CIMIP2A: variants seen among roughly 807,000 people sequenced by gnomAD.
The protein encoded by CIMIP2A is family with sequence similarity 166 member A.
chr9:137,244,727 C>T, the CIMIP2A span: 37 of 1,613,014 alleles, frequency 2.3e-5, no homozygotes. Flanking sequence ...GGGAATGAAG[C>T]CAGCATAGCC....
the CIMIP2A span, chr9:137,244,274 GT>G: frequency 1.1e-5 from 17 of 1,613,650 alleles, no homozygotes. Context: ...CACAGTGGGG[GT>G]TTCTAAACAG....
the CIMIP2A span, chr9:137,244,218 A>C: frequency 4.3e-6 from 7 of 1,613,754 alleles, no homozygotes; most frequent in East Asian, 1.6e-4. Flanking sequence ...GCTGCTGTAG[A>C]TGTGGTTGCT....
the CIMIP2A span, chr9:137,251,777 G>A: frequency 2.3e-4 from 371 of 1,588,928 alleles, no homozygotes; most frequent in Non-Finnish European, 2.8e-4. Flanking sequence ...CGGAGCCGGG[G>A]ATGGCCTGGG....
chr9:137,253,643 C>G, the CIMIP2A span: 740 of 602,106 alleles, frequency 1.2e-3, 3 homozygotes, highest in African/African-American at 0.012. Context: ...TGACCCTGAG[C>G]TCTAGCCTGG....
At chr9:137,249,787 C>T in the CIMIP2A span, among the ~76,000 whole-genome samples, 7 of 152,352 alleles carry the variant, frequency 4.6e-5, no homozygotes, top group South Asian at 2.1e-4. Context: ...CCTCTCTCTA[C>T]GCTTCTTCAT....
chr9:137,252,922 C>T, the CIMIP2A span: 2 of 1,600,220 alleles, frequency 1.2e-6, no homozygotes, highest in Middle Eastern at 1.7e-4. Flanking sequence ...CGCCGGCCTT[C>T]TCGATGAGCC....
the CIMIP2A span, chr9:137,253,279 C>G: frequency 1.3e-6 from 2 of 1,585,766 alleles, no homozygotes; most frequent in Non-Finnish European, 1.7e-6. Context: ...GGCCCGGCCA[C>G]CGAGTGGAAC....
At chr9:137,247,854 C>T in the CIMIP2A span, 1 of 758,778 alleles carries the variant, frequency 1.3e-6, no homozygotes. Flanking sequence ...CCTCGCTAAC[C>T]CTGTGAGGGC....
the CIMIP2A span, chr9:137,253,165 T>G: frequency 1.0e-5 from 16 of 1,603,446 alleles, no homozygotes; most frequent in African/African-American, 2.1e-4. Flanking sequence ...CAACTCACGC[T>G]TCCCTTCGGC....
chr9:137,253,887 TGAA>T, the CIMIP2A span, among the ~76,000 whole-genome samples: 1 of 152,200 alleles, frequency 6.6e-6, no homozygotes, highest in Non-Finnish European at 1.5e-5. Flanking sequence ...GGCCTTGAGC[TGAA>T]GACCTGGCTG....
At chr9:137,245,708 A>G in the CIMIP2A span, 1 of 1,603,566 alleles carries the variant, frequency 6.2e-7, no homozygotes, top group South Asian at 1.1e-5. Flanking sequence ...GACTGGCTGA[A>G]GTCCTCAATG....
At chr9:137,249,288 G>T in the CIMIP2A span, among the ~76,000 whole-genome samples, 1 of 152,214 alleles carries the variant, frequency 6.6e-6, no homozygotes, top group African/African-American at 2.4e-5. Flanking sequence ...GTCACAGTGA[G>T]AAGGGCCTCT....
the CIMIP2A span, among the ~76,000 whole-genome samples, chr9:137,247,071 A>G: frequency 6.6e-6 from 1 of 152,104 alleles, no homozygotes; most frequent in African/African-American, 2.4e-5. Context: ...AGATCACTTG[A>G]GGTCAGGAGT....
chr9:137,246,879 G>A, the CIMIP2A span, among the ~76,000 whole-genome samples: 11 of 152,220 alleles, frequency 7.2e-5, no homozygotes, highest in South Asian at 4.2e-4. Context: ...TGCATGTAGC[G>A]TGTGTGTATG....
chr9:137,244,029 G>C, the CIMIP2A span: 2 of 965,716 alleles, frequency 2.1e-6, no homozygotes, highest in East Asian at 2.5e-5. Flanking sequence ...GAGGATGGCA[G>C]ACAATCCTAC....
the CIMIP2A span, chr9:137,244,237 G>A: frequency 2.3e-5 from 37 of 1,613,780 alleles, no homozygotes; most frequent in South Asian, 3.7e-4. Context: ...CTGGGCCAGT[G>A]TGTTCCAGGC....
At chr9:137,249,705 A>AC in the CIMIP2A span, among the ~76,000 whole-genome samples, 1 of 152,236 alleles carries the variant, frequency 6.6e-6, no homozygotes, top group East Asian at 1.9e-4. Flanking sequence ...GAACTTCTGG[A>AC]CAGGGGAACA....
At chr9:137,245,150 G>C in the CIMIP2A span, 1 of 1,589,340 alleles carries the variant, frequency 6.3e-7, no homozygotes, top group Non-Finnish European at 8.5e-7. Context: ...GCTGGAAGCT[G>C]CCCACATCTA....
At chr9:137,247,271 G>A in the CIMIP2A span, among the ~76,000 whole-genome samples, 10 of 152,232 alleles carry the variant, frequency 6.6e-5, no homozygotes, top group Admixed American at 3.3e-4. Flanking sequence ...GGTAATAAGA[G>A]CGAAACTCTG....
Sources: allele counts gnomAD v4.1 joint callset (sites outside exome capture counted in the v4.1 genomes callset), GRCh38; gene constraint gnomAD v4.1.1; transcripts MANE v1.5; gene names NCBI Gene and HGNC (gene_info 2026-07-23, HGNC 2026-07-21).